Variants in HGD observed in about 807,000 individuals in gnomAD.
The protein encoded by HGD is homogentisate oxidase.
Under a neutral mutation model 60.8 loss-of-function variants are expected in HGD, and 61 were observed. The observed-to-expected ratio is 1.00, with a 90% CI of 0.82 to 1.24. The LOEUF (loss-of-function observed/expected upper bound fraction) is 1.24, where lower values mean the gene tolerates loss of function less well. Among genes scored for constraint, HGD ranks in the 50% most tolerant of loss-of-function variants. HGD has a pLI of 0.00. For missense variants in HGD, 542 were observed against 547.1 expected (o/e 0.99, Z 0.09); for synonymous variants, 212 against 187.7 (o/e 1.13, Z -1.06).
intron 4 of HGD, among the ~76,000 whole-genome samples, chr3:120,654,409 C>T (rs1016976475): frequency 3.3e-5 from 5 of 152,156 alleles, no homozygotes; most frequent in Non-Finnish European, 5.9e-5. Context: ...AAAAGTTCTT[C>T]TAATGTGCAG....
At position 120,628,208 on chromosome 3, in the gene HGD, G is replaced by A; in HGVS notation, c.*172C>T. On this transcript the variant is annotated 3_prime_UTR_variant, in exon 14 of 14. Transcript: ENST00000283871. ...CCAGCAAGTTTATTGAGTAATTAAG[G>A]TGACAGCCATAGAACTTTGCAAATG... 1 of 690,736 alleles carries A rather than the reference G, an allele frequency of 1.4e-6. No homozygotes were observed. Among genetic ancestry groups the A allele is most frequent in the East Asian group, 2.6e-5 (1 of 38,366 alleles). 42.8% of individuals were successfully genotyped at this position (690,736 alleles called of 1,614,324 possible).
intron 13 of HGD, among the ~76,000 whole-genome samples, chr3:120,631,762 G>C (rs894282112): frequency 6.6e-6 from 1 of 152,192 alleles, no homozygotes; most frequent in African/African-American, 2.4e-5. Flanking sequence ...TGAAAGTTAG[G>C]TCTAGGTAAG....
rs147518621 is a variant in HGD at position 120,681,625 on chromosome 3, A to T, written c.15+472T>A. Among the ~76,000 whole-genome samples the T allele has an allele frequency of 2.0e-5, 3 of 152,342 alleles. No individual in the cohort carries two copies. The East Asian group carries it at 5.8e-4, about 29-fold the overall frequency. ...CACACATACTTTTCAATTGCGTATT[A>T]CTAAAAAGAAGGAATGATTTCCTAG... On this transcript the variant is annotated intron_variant, in intron 1 of 13. Transcript: ENST00000283871.
In HGD at chr3:120,644,418, A is replaced by ACGAGGATTGGC; in HGVS notation, c.664_674dup (p.Asp226ProfsTer7). The ACGAGGATTGGC allele has an allele frequency of 1.2e-6, 2 of 1,614,154 alleles. No homozygotes were observed. Among genetic ancestry groups the ACGAGGATTGGC allele is most frequent in the Non-Finnish European group, 1.7e-6 (2 of 1,180,004 alleles). ...ACCAGGCAATGGGTATCAAGAAATCACGAGGATTGGCCAAGCCATTGGCCC... is the reference window on the plus strand; with the variant it reads ...ACCAGGCAATGGGTATCAAGAAATCACGAGGATTGGCCGAGGATTGGCCAAGCCATTGGCCC... On this transcript the variant is annotated frameshift_variant, in exon 10 of 14. Coordinates refer to ENST00000283871, the MANE Select transcript of HGD (RefSeq NM_000187.4). LOFTEE classifies it high-confidence loss of function.
chr3:120,638,544 A>C lies in HGD; in HGVS notation c.917T>G (p.Val306Gly). The C allele has an allele frequency of 6.2e-7, 1 of 1,614,058 alleles. No individual in the cohort carries two copies. The highest frequency in any genetic ancestry group is 1.1e-5 in the South Asian group (1 of 91,074). ...SIFTVLTAKS[V>G]RPGVAIADFV... ...ATCAGCAATGGCCACTCCAGGGCGG[A>C]CAGACTTAGCAGTCAATACTGTGAA... The change falls in exon 12 of 14, where the codon GTC (valine) becomes GGC (glycine). Residue 306 changes from valine (V) to glycine (G), a missense_variant. Val to Gly is a moderately radical substitution (Grantham distance 109). Around this residue, in one of 2 missense-constraint regions of HGD, gnomAD observed 537 missense variants for 529.1 expected, o/e 1.01. Transcript: ENST00000283871.
At chr3:120,643,367 G>T (rs762896538) in intron 10 of HGD, among the ~76,000 whole-genome samples, 1 of 152,154 alleles carries the variant, frequency 6.6e-6, no homozygotes, top group Admixed American at 6.5e-5. Context: ...CAGGTGATCC[G>T]CCTGCCTTGG....
chr3:120,638,654 A>G, intron 11 of HGD, 73 bp from the exon 12 acceptor site: 2 of 1,555,052 alleles, frequency 1.3e-6, no homozygotes, highest in Admixed American at 1.7e-5. Flanking sequence ...CATTTCATGC[A>G]TACATGAAGG....
chr3:120,671,062 A>C (rs1433745996), intron 3 of HGD, among the ~76,000 whole-genome samples: 1 of 152,230 alleles, frequency 6.6e-6, no homozygotes, highest in Admixed American at 6.5e-5. Flanking sequence ...AGTAATTAAA[A>C]AGTCCTGAAA....
intron 7 of HGD, among the ~76,000 whole-genome samples, 184 bp downstream of exon 7, chr3:120,647,693 G>A (rs180768727): frequency 6.6e-6 from 1 of 152,326 alleles, no homozygotes; most frequent in East Asian, 1.9e-4. Context: ...TAGAGTAGGG[G>A]CTTTGAGGTA....
intron 4 of HGD, among the ~76,000 whole-genome samples, chr3:120,663,923 T>C (rs1707837240): frequency 7.3e-6 from 1 of 136,674 alleles, no homozygotes; most frequent in Non-Finnish European, 1.6e-5. Context: ...TTAATTATAG[T>C]AAATATATAT....
chr3:120,662,387 G>T (rs966944125), intron 4 of HGD, among the ~76,000 whole-genome samples: 2 of 152,108 alleles, frequency 1.3e-5, no homozygotes, highest in Non-Finnish European at 1.5e-5. Context: ...AAGGAAAAAA[G>T]GAACCAGAGA....
chr3:120,634,885 A>C (rs1051801966), intron 12 of HGD, among the ~76,000 whole-genome samples: 2 of 152,204 alleles, frequency 1.3e-5, no homozygotes, highest in African/African-American at 4.8e-5. Context: ...TGAGACCCAG[A>C]TCATAGTTCT....
chr3:120,656,211 C>T (rs1054771080), intron 4 of HGD, among the ~76,000 whole-genome samples: 4 of 152,156 alleles, frequency 2.6e-5, no homozygotes, highest in African/African-American at 9.7e-5. Context: ...CCTGCTAACA[C>T]CTCGGACTTG....
intron 6 of HGD, 98 bp from the exon 7 acceptor site, chr3:120,648,009 G>T: frequency 1.0e-6 from 1 of 995,042 alleles, no homozygotes; most frequent in Non-Finnish European, 1.6e-6. Context: ...TATGTAGCAA[G>T]CTCAGAGCTG....
At position 120,670,547 on chromosome 3, in the gene HGD, A is replaced by C; in HGVS notation, c.177-15T>G. Reference sequence around the variant, plus strand: ...TATACAGCCAGCTAGAGGGAAAAACATACAAGATATACAAGCCTTAGAGTA... The same window carrying C: ...TATACAGCCAGCTAGAGGGAAAAACCTACAAGATATACAAGCCTTAGAGTA... On this transcript the variant is annotated splice_polypyrimidine_tract_variant and intron_variant, in intron 3 of 13. Transcript: ENST00000283871. 1 of 1,292,166 alleles carries C rather than the reference A, an allele frequency of 7.7e-7. No individual in the cohort carries two copies. Among genetic ancestry groups the C allele is most frequent in the South Asian group, 1.2e-5 (1 of 84,668 alleles). 80.0% of individuals were successfully genotyped at this position (1,292,166 alleles called of 1,614,324 possible). A position where few individuals can be genotyped will look rare whatever the true frequency, so the allele number is the denominator to read the frequency against.
intron 12 of HGD, among the ~76,000 whole-genome samples, chr3:120,636,013 G>GT (rs1940761141): frequency 6.6e-6 from 1 of 150,860 alleles, no homozygotes; most frequent in Admixed American, 6.6e-5. Flanking sequence ...GCTCATGCCT[G>GT]TAATCCCAGC....
At chr3:120,664,564 A>G (rs969374376) in intron 4 of HGD, among the ~76,000 whole-genome samples, 3 of 151,344 alleles carry the variant, frequency 2.0e-5, no homozygotes, top group Non-Finnish European at 4.4e-5. Flanking sequence ...AGTGCCTGGG[A>G]CTACCGGTGC....
At chr3:120,674,211 AT>A (rs1364668268) in intron 3 of HGD, among the ~76,000 whole-genome samples, 2 of 152,146 alleles carry the variant, frequency 1.3e-5, no homozygotes, top group African/African-American at 2.4e-5. Flanking sequence ...ATTAGACACT[AT>A]TTGTTTAAAT....
At chr3:120,678,539 G>A (rs1336478081) in intron 1 of HGD, among the ~76,000 whole-genome samples, 1 of 152,160 alleles carries the variant, frequency 6.6e-6, no homozygotes, top group Non-Finnish European at 1.5e-5. Flanking sequence ...TGGAACACGA[G>A]TTAGTATAAA....
Sources: gnomAD v4.1 joint callset for allele counts (sites outside exome capture counted in the v4.1 genomes callset) on GRCh38, gnomAD v4.1.1 for gene constraint, gnomAD v4.1.1 regional missense constraint, MANE v1.5 for transcripts, NCBI Gene and HGNC (gene_info 2026-07-23, HGNC 2026-07-21) for gene names.